RICTOR: variants seen among roughly 807,000 people sequenced by gnomAD.
RICTOR encodes the protein RPTOR independent companion of MTOR complex 2, also known as rapamycin-insensitive companion of mTOR.
A neutral mutation model predicts 214.9 loss-of-function variants in RICTOR; 49 were observed. The ratio of observed to expected loss-of-function variants is 0.23; its 90% CI spans 0.18 to 0.29. RICTOR has a LOEUF of 0.29. RICTOR is among the 10% of genes least tolerant of loss of function. The probability of loss-of-function intolerance (pLI) is 1.00; values close to 1 mark genes in which losing one functional copy is unlikely to be tolerated. For synonymous variants in RICTOR, 717 were observed against 711.3 expected (o/e 1.01, Z -0.13); for missense variants, 1,625 against 2,047.0 (o/e 0.79, Z 3.98).
intron 3 of RICTOR, among the ~76,000 whole-genome samples, chr5:39,008,656 T>C (rs1436032635): frequency 6.6e-6 from 1 of 151,960 alleles, no homozygotes; most frequent in East Asian, 1.9e-4. Context: ...GCTATATATA[T>C]ACATAAAACA....
At chr5:39,071,517 TTTAA>T (rs1484847889) in intron 2 of RICTOR, among the ~76,000 whole-genome samples, 1 of 152,234 alleles carries the variant, frequency 6.6e-6, no homozygotes, top group Non-Finnish European at 1.5e-5. Flanking sequence ...TGCCAAGTAC[TTTAA>T]TTAAGAACTA....
chr5:38,979,062 C>T (rs370234153), intron 8 of RICTOR, among the ~76,000 whole-genome samples: 1 of 152,266 alleles, frequency 6.6e-6, no homozygotes, highest in Non-Finnish European at 1.5e-5. Flanking sequence ...ATGAACTGCA[C>T]GTTCCTTTTG....
At chr5:39,036,412 T>C (rs146564899) in intron 2 of RICTOR, among the ~76,000 whole-genome samples, 11,191 of 152,198 alleles carry the variant, frequency 0.074, 800 homozygotes, top group African/African-American at 0.18. Context: ...CATCAACTAA[T>C]GAGCAAAATA....
At chr5:39,043,189 T>C (rs1476139424) in intron 2 of RICTOR, among the ~76,000 whole-genome samples, 1 of 152,164 alleles carries the variant, frequency 6.6e-6, no homozygotes, top group East Asian at 1.9e-4. Flanking sequence ...AGAGATACCA[T>C]ATTTTTTGCA....
rs1580146013 is a variant in RICTOR, at chr5:39,031,852, A to C, written c.98-10716T>G. Among the ~76,000 whole-genome samples, 3 of 152,346 alleles carry C rather than the reference A, an allele frequency of 2.0e-5. 1 individual carries two copies. Among genetic ancestry groups the C allele is most frequent in the Admixed American group, 6.5e-5 (1 of 15,312 alleles). On this transcript the variant is annotated intron_variant, in intron 2 of 37. Transcript: ENST00000357387. ...TGTGAGCAGATATGACTAAAAGCAT[A>C]CGAAGATTACTGTAGTTAGCATTAC...
At chr5:39,014,828 GT>G (rs1410093237) in intron 3 of RICTOR, among the ~76,000 whole-genome samples, 2 of 152,142 alleles carry the variant, frequency 1.3e-5, no homozygotes, top group African/African-American at 2.4e-5. Flanking sequence ...AGGAAGTTTA[GT>G]TTTGAAGCTG....
At chr5:38,960,292 T>C (rs1749683750) in intron 20 of RICTOR, 106 bp downstream of exon 20, 2 of 1,060,588 alleles carry the variant, frequency 1.9e-6, no homozygotes, top group African/African-American at 3.2e-5. Context: ...ATACGGCTTA[T>C]GCATATTCAG....
intron 3 of RICTOR, among the ~76,000 whole-genome samples, chr5:39,014,963 T>G (rs957190673): frequency 1.3e-5 from 2 of 152,186 alleles, no homozygotes; most frequent in Non-Finnish European, 2.9e-5. Flanking sequence ...AAATGCATCA[T>G]CTTCCCAATC....
In RICTOR at chr5:38,950,657, A is replaced by G; in HGVS notation, c.3191T>C (p.Ile1064Thr). 6.2e-7 allele frequency: 1 copy of G among 1,611,936 alleles called. No homozygotes were observed. Among genetic ancestry groups the G allele is most frequent in the Non-Finnish European group, 8.5e-7 (1 of 1,178,780 alleles). Residue 1064 changes from isoleucine (I) to threonine (T), a missense_variant, in exon 31 of 38, where the codon ATC (isoleucine) becomes ACC (threonine). Physicochemically the swap from Ile to Thr is moderately conservative, Grantham distance 89. Coordinates refer to ENST00000357387, the MANE Select transcript of RICTOR (RefSeq NM_152756.5). The part of the protein sequence containing the change: ...SSSTSTFFLD[I>T]NEDTEPTFYD... ...AAATGTTGGCTCTGTATCTTCATTG[A>G]TATCAAGGAAAAATGTGCTAGTAGA...
rs775877907 is a variant in RICTOR, at chr5:38,991,087, G to C, written c.457-12C>G. Reference sequence around the variant, plus strand: ...TTCACAGTAATCATCTGTAACAGAAGGAATCAGAAAAAGAAGTTACTTTAG... The same window carrying C: ...TTCACAGTAATCATCTGTAACAGAACGAATCAGAAAAAGAAGTTACTTTAG... On this transcript the variant is annotated splice_polypyrimidine_tract_variant and intron_variant, in intron 6 of 37. Transcript: ENST00000357387. The C allele has an allele frequency of 6.4e-7, 1 of 1,572,430 alleles. No homozygotes were observed. The highest frequency in any genetic ancestry group is 1.2e-5 in the South Asian group (1 of 85,730).
intron 11 of RICTOR, among the ~76,000 whole-genome samples, chr5:38,969,247 C>T (rs1750519960): frequency 2.0e-5 from 3 of 151,884 alleles, no homozygotes; most frequent in African/African-American, 7.3e-5. Flanking sequence ...GCTGGGATTA[C>T]AGGTGTGAGC....
At chr5:38,977,034 T>C (rs943007072) in intron 9 of RICTOR, among the ~76,000 whole-genome samples, 6 of 152,218 alleles carry the variant, frequency 3.9e-5, no homozygotes, top group African/African-American at 1.2e-4. Context: ...GAGAGCTTTC[T>C]CTAGCTGGTA....
chr5:39,064,601 C>A (rs761375197), intron 2 of RICTOR, among the ~76,000 whole-genome samples: 4 of 152,308 alleles, frequency 2.6e-5, no homozygotes, highest in African/African-American at 9.6e-5. Context: ...TCGCTCACCC[C>A]ACTGTGCTTT....
intron 2 of RICTOR, among the ~76,000 whole-genome samples, chr5:39,038,314 G>A (rs147008280): frequency 0.023 from 3,489 of 152,164 alleles, 138 homozygotes; most frequent in African/African-American, 0.079. Context: ...TTGATGGGAC[G>A]TATCTCAAAA....
rs774516299 is a variant in RICTOR at position 38,960,430 on chromosome 5, G to T, written c.1819C>A (p.Gln607Lys). The change falls in exon 20 of 38, where the codon CAG becomes AAG. Residue 607 changes from glutamine (Q) to lysine (K), a missense_variant. Transcript: ENST00000357387. The stretch of plus-strand genomic sequence containing the variant: ...GATTCAAGAAGAAATTCTGTAAACT[G>T]GCAACCTACAACCGTGAGCTGTTTG... The part of the protein sequence containing the change: ...KAKQLTVVGC[Q>K]FTEFLLESEE... The T allele has an allele frequency of 6.2e-7, 1 of 1,613,784 alleles. No individual in the cohort carries two copies. The highest frequency in any genetic ancestry group is 8.5e-7 in the Non-Finnish European group (1 of 1,179,764).
intron 2 of RICTOR, among the ~76,000 whole-genome samples, chr5:39,040,078 CAAT>C (rs1216560591): frequency 6.6e-6 from 1 of 151,884 alleles, no homozygotes; most frequent in Non-Finnish European, 1.5e-5. Flanking sequence ...AAATGTCCAA[CAAT>C]AATAGACTGG....
chr5:38,941,320 T>C lies in RICTOR; in HGVS notation c.*984A>G, dbSNP rs3180328. On this transcript the variant is annotated 3_prime_UTR_variant, in exon 38 of 38. Coordinates refer to ENST00000357387, the MANE Select transcript of RICTOR (RefSeq NM_152756.5). ...CAATTTTTCTCAATAACAAGCTTTA[T>C]TAATGTTTTTTTTAAGGAAATATGG... is the stretch of plus-strand genomic sequence containing the variant. 9.6e-6 allele frequency: 2 copies of C among 207,742 alleles called. No individual in the cohort carries two copies. The highest frequency in any genetic ancestry group is 1.9e-5 in the Non-Finnish European group (2 of 105,504). 12.9% of individuals were successfully genotyped at this position (207,742 alleles called of 1,614,324 possible). A position where few individuals can be genotyped will look rare whatever the true frequency, so the allele number is the denominator to read the frequency against.
intron 2 of RICTOR, among the ~76,000 whole-genome samples, chr5:39,040,083 A>G (rs1757054167): frequency 6.6e-6 from 1 of 152,122 alleles, no homozygotes; most frequent in Non-Finnish European, 1.5e-5. Context: ...TCCAACAATA[A>G]TAGACTGGAT....
chr5:38,969,199 T>C (rs2150036441), intron 11 of RICTOR, among the ~76,000 whole-genome samples: 1 of 152,088 alleles, frequency 6.6e-6, no homozygotes. Flanking sequence ...CTCGAACTCC[T>C]GACCTCAGGT....
Sources: allele counts gnomAD v4.1 joint callset (sites outside exome capture counted in the v4.1 genomes callset), GRCh38; gene constraint gnomAD v4.1.1; transcripts MANE v1.5; gene names NCBI Gene and HGNC (gene_info 2026-07-23, HGNC 2026-07-21).